PTPRQ: variants seen among roughly 807,000 people sequenced by gnomAD.
PTPRQ encodes protein tyrosine phosphatase receptor type Q.
PTPRQ carries 199 observed loss-of-function variants against 246.0 expected under a neutral mutation model. That is an observed-to-expected ratio of 0.81 (90% confidence interval 0.72 to 0.91). The LOEUF is 0.91. Ranked by LOEUF, PTPRQ falls within the 40% of genes least tolerant of loss-of-function variation. The pLI is 0.00. For missense variants in PTPRQ, 2,624 were observed against 2,528.4 expected, an observed-to-expected ratio of 1.04 and a Z score of -0.81; for synonymous variants, 869 against 853.2, an observed-to-expected ratio of 1.02 and a Z score of -0.32.
At chr12:80,615,643 A>C (rs1245915250) in intron 29 of PTPRQ, among the ~76,000 whole-genome samples, 1 of 151,108 alleles carries the variant, frequency 6.6e-6, no homozygotes, top group East Asian at 1.9e-4. Context: ...GAAGAAGGGC[A>C]TAAAGGCCAT....
chr12:80,653,018 C>T (rs913671827), intron 38 of PTPRQ, among the ~76,000 whole-genome samples, 184 bp downstream of exon 38: 7 of 152,004 alleles, frequency 4.6e-5, no homozygotes, highest in South Asian at 2.1e-4. Flanking sequence ...AGTTAGTATA[C>T]GTGGTTTTCA....
intron 19 of PTPRQ, 101 bp from the exon 20 acceptor site, chr12:80,539,674 TA>T: frequency 1.0e-6 from 1 of 969,226 alleles, no homozygotes; most frequent in South Asian, 2.5e-5. Flanking sequence ...CATATTAAAA[TA>T]ATGATAAATA....
chr12:80,522,298 T>C (rs1895522475), intron 17 of PTPRQ, among the ~76,000 whole-genome samples: 1 of 152,212 alleles, frequency 6.6e-6, no homozygotes, highest in Non-Finnish European at 1.5e-5. Flanking sequence ...TACAATCATG[T>C]CATCTGCAAA....
intron 26 of PTPRQ, among the ~76,000 whole-genome samples, chr12:80,599,506 G>T (rs1898073692): frequency 6.6e-6 from 1 of 151,736 alleles, no homozygotes; most frequent in Non-Finnish European, 1.5e-5. Context: ...TCATACTTTT[G>T]CCACCATCAG....
At chr12:80,484,362 AG>A (rs1894197891) in intron 8 of PTPRQ, 70 bp from the exon 9 acceptor site, 2 of 1,465,778 alleles carry the variant, frequency 1.4e-6, no homozygotes, top group East Asian at 4.9e-5. Context: ...CTAAGAATTT[AG>A]GCACTTTTTT....
chr12:80,476,299 T>C (rs1441582123), intron 8 of PTPRQ, among the ~76,000 whole-genome samples: 1 of 152,048 alleles, frequency 6.6e-6, no homozygotes, highest in African/African-American at 2.4e-5. Context: ...TTGGTAAATA[T>C]GATGATGCAA....
chr12:80,557,160 A>G (rs1409750385), intron 25 of PTPRQ, among the ~76,000 whole-genome samples: 1 of 152,138 alleles, frequency 6.6e-6, no homozygotes, highest in Admixed American at 6.6e-5. Flanking sequence ...TAAAATCTCC[A>G]GTCATTTCAA....
intron 25 of PTPRQ, among the ~76,000 whole-genome samples, chr12:80,557,299 T>C (rs544358451): frequency 1.3e-5 from 2 of 152,144 alleles, no homozygotes; most frequent in South Asian, 4.2e-4. Flanking sequence ...TCCTCCCAGC[T>C]AGAATTTTCC....
At chr12:80,669,585 T>TG in intron 41 of PTPRQ, 121 bp downstream of exon 41, 1 of 1,331,968 alleles carries the variant, frequency 7.5e-7, no homozygotes, top group Non-Finnish European at 9.9e-7. Context: ...CAACAATGCT[T>TG]TTGTATTGTC....
chr12:80,510,234 G>T, intron 16 of PTPRQ, 89 bp from the exon 17 acceptor site: 1 of 1,268,744 alleles, frequency 7.9e-7, no homozygotes. Flanking sequence ...TTACCAGAAA[G>T]TTTATAATAA....
At position 80,547,862 on chromosome 12, in the gene PTPRQ, T is replaced by C. The variant is rs78143015; in HGVS notation, c.4015+1165T>C. Among the ~76,000 whole-genome samples, 1,131 of 152,178 alleles carry C rather than the reference T, an allele frequency of 7.4e-3. 23 individuals are homozygous for C. The highest frequency in any genetic ancestry group is 0.026 in the African/African-American group (1,076 of 41,540). On this transcript the variant is annotated intron_variant, in intron 24 of 44. Coordinates refer to ENST00000644991, the MANE Select transcript of PTPRQ (RefSeq NM_001145026.2). ...ACACACAGTAAATGACCCCTGAATA[T>C]TACTGTTGCCCCCATTCCCATGTTA...
In PTPRQ at chr12:80,506,575, A is replaced by G; in HGVS notation, c.2462A>G (p.Lys821Arg). The change falls in exon 16 of 45, where the codon AAG becomes AGG. Residue 821 changes from lysine (K) to arginine (R), a missense_variant. By Grantham distance (26) the Lys-to-Arg change is conservative (BLOSUM62 2). Coordinates refer to ENST00000644991, the MANE Select transcript of PTPRQ (RefSeq NM_001145026.2). ...CTATTTGATTTCTCTTTAGTACTGAAGAAATATACCCAATATATCATTGAG... is the reference window on the plus strand; with the variant it reads ...CTATTTGATTTCTCTTTAGTACTGAGGAAATATACCCAATATATCATTGAG... Reference protein sequence around the residue: ...TSLTQNIKVLKKYTQYIIEVS... With the variant: ...TSLTQNIKVLRKYTQYIIEVS... 1.3e-6 allele frequency: 2 copies of G among 1,528,186 alleles called. No homozygotes were observed. The highest frequency in any genetic ancestry group is 1.8e-6 in the Non-Finnish European group (2 of 1,131,828). 94.7% of individuals were successfully genotyped at this position (1,528,186 alleles called of 1,614,324 possible).
intron 26 of PTPRQ, among the ~76,000 whole-genome samples, chr12:80,604,576 A>G (rs1241568587): frequency 6.6e-6 from 1 of 151,550 alleles, no homozygotes; most frequent in African/African-American, 2.4e-5. Flanking sequence ...ACCCTCAGTG[A>G]AAACAATAAA....
chr12:80,649,757 A>AT, intron 37 of PTPRQ, 88 bp downstream of exon 37: 1 of 1,456,858 alleles, frequency 6.9e-7, no homozygotes, highest in Non-Finnish European at 9.1e-7. Flanking sequence ...AAGCAAGGCC[A>AT]TGAAGGACTC....
At chr12:80,632,133 G>T in intron 33 of PTPRQ, 59 bp from the exon 34 acceptor site, 2 of 1,507,562 alleles carry the variant, frequency 1.3e-6, no homozygotes, top group Admixed American at 2.3e-5. Context: ...TTGGTAGTTT[G>T]GGATTCAAAA....
At chr12:80,619,279 G>C in intron 30 of PTPRQ, 105 bp from the exon 31 acceptor site, 1 of 1,282,586 alleles carries the variant, frequency 7.8e-7, no homozygotes, top group Non-Finnish European at 1.0e-6. Context: ...ATTTATGTTT[G>C]TCATCACTTT....
intron 22 of PTPRQ, 119 bp downstream of exon 22, chr12:80,542,483 C>A: frequency 1.5e-6 from 2 of 1,371,598 alleles, no homozygotes; most frequent in Non-Finnish European, 1.9e-6. Flanking sequence ...ACAGCCTTAC[C>A]ATTATATTTA....
At chr12:80,469,379 C>T (rs1893551825) in intron 7 of PTPRQ, among the ~76,000 whole-genome samples, 1 of 152,132 alleles carries the variant, frequency 6.6e-6, no homozygotes, top group African/African-American at 2.4e-5. Context: ...TGTAAGCAAG[C>T]AGGACCTGGG....
intron 25 of PTPRQ, among the ~76,000 whole-genome samples, chr12:80,558,307 A>C (rs1896722119): frequency 6.6e-6 from 1 of 151,706 alleles, no homozygotes; most frequent in Non-Finnish European, 1.5e-5. Flanking sequence ...AGCTGGGACT[A>C]CAGGCGCATG....
Sources: allele counts gnomAD v4.1 joint callset (sites outside exome capture counted in the v4.1 genomes callset), GRCh38; gene constraint gnomAD v4.1.1; transcripts MANE v1.5; gene names NCBI Gene and HGNC (gene_info 2026-07-23, HGNC 2026-07-21).